Variants in EPHX2 observed in about 807,000 individuals in gnomAD.
EPHX2 encodes the protein bifunctional epoxide hydrolase 2.
EPHX2 carries 74 observed loss-of-function variants against 78.7 expected under a neutral mutation model. That is an observed-to-expected ratio of 0.94 (90% CI 0.78 to 1.14). The LOEUF is 1.14. Ranked by LOEUF, EPHX2 falls within the 50% of genes most tolerant of loss-of-function variation. The pLI is 0.00. For synonymous variants in EPHX2, 251 were observed against 255.2 expected, an observed-to-expected ratio of 0.98 and a Z score of 0.16; for missense variants, 715 against 702.5, an observed-to-expected ratio of 1.02 and a Z score of -0.20.
intron 10 of EPHX2, 150 bp downstream of exon 10, chr8:27,521,059 T>A: frequency 1.2e-6 from 1 of 824,858 alleles, no homozygotes; most frequent in Non-Finnish European, 2.0e-6. Flanking sequence ...GCAGGGAAAA[T>A]CACAAAAACA....
intron 12 of EPHX2, among the ~76,000 whole-genome samples, chr8:27,531,159 G>T (rs1053962518): frequency 5.3e-5 from 8 of 152,190 alleles, no homozygotes; most frequent in African/African-American, 1.9e-4. Context: ...GTGGTGAAAA[G>T]AACCAAATAT....
At chr8:27,512,095 C>T in intron 6 of EPHX2, 185 bp downstream of exon 6, 1 of 279,722 alleles carries the variant, frequency 3.6e-6, no homozygotes, top group East Asian at 6.3e-5. Flanking sequence ...GAAACCCTGT[C>T]TCAAGAAAAA....
chr8:27,520,911 T>C lies in EPHX2; in HGVS notation c.972+2T>C, dbSNP rs1205111557. ...ATGGTAACCTTCCTGGATAAACTGG[T>C]AAGTCATTATTTTGAACTGATATCT... is the stretch of plus-strand genomic sequence containing the variant. On this transcript the variant is annotated splice_donor_variant, in intron 10 of 18. Transcript: ENST00000521400. LOFTEE classifies it high-confidence loss of function. 1.2e-6 allele frequency: 2 copies of C among 1,614,036 alleles called. No individual in the cohort carries two copies. The highest frequency in any genetic ancestry group is 2.7e-5 in the African/African-American group (2 of 74,928).
chr8:27,525,438 C>A lies in EPHX2; in HGVS notation c.1135C>A (p.Pro379Thr). 1 of 1,614,098 alleles carries A rather than the reference C, an allele frequency of 6.2e-7. No homozygotes were observed. The highest frequency in any genetic ancestry group is 8.5e-7 in the Non-Finnish European group (1 of 1,180,006). Reference protein sequence around the residue: ...MSPLESIKANPVFDYQLYFQE... With the variant: ...MSPLESIKANTVFDYQLYFQE... The stretch of plus-strand genomic sequence containing the variant: ...CCCTTTGGAGAGTATCAAAGCCAAC[C>A]CAGTATTTGATTACCAGCTCTACTT... Residue 379 changes from proline (P) to threonine (T), a missense_variant, in exon 12 of 19, where the codon CCA becomes ACA. Transcript: ENST00000521400.
intron 8 of EPHX2, among the ~76,000 whole-genome samples, chr8:27,517,497 T>C (rs1814499400): frequency 6.6e-6 from 1 of 152,228 alleles, no homozygotes; most frequent in Admixed American, 6.5e-5. Context: ...CAAACTACAT[T>C]ATAAGTCTAT....
intron 9 of EPHX2, among the ~76,000 whole-genome samples, chr8:27,520,124 G>A (rs181939998): frequency 4.0e-5 from 6 of 150,960 alleles, no homozygotes; most frequent in South Asian, 2.1e-4. Context: ...TTACAGGTGC[G>A]GGCCATTGTG....
chr8:27,514,435 G>A (rs1814375328), intron 6 of EPHX2, among the ~76,000 whole-genome samples: 1 of 152,184 alleles, frequency 6.6e-6, no homozygotes, highest in Admixed American at 6.5e-5. Flanking sequence ...ATTTCCTTTA[G>A]GATCGTGGAG....
At chr8:27,503,290 A>G (rs1813866919) in intron 2 of EPHX2, among the ~76,000 whole-genome samples, 1 of 152,190 alleles carries the variant, frequency 6.6e-6, no homozygotes. Context: ...GTCTTTTGTT[A>G]TAGCAGCTGA....
chr8:27,530,587 T>C (rs976634341), intron 12 of EPHX2, among the ~76,000 whole-genome samples: 1 of 152,168 alleles, frequency 6.6e-6, no homozygotes, highest in African/African-American at 2.4e-5. Flanking sequence ...ATTTATCTCA[T>C]TCTTTTTAAT....
At chr8:27,525,041 C>T (rs1585209909) in intron 11 of EPHX2, among the ~76,000 whole-genome samples, 1 of 150,048 alleles carries the variant, frequency 6.7e-6, no homozygotes, top group African/African-American at 2.5e-5. Flanking sequence ...TCTCCATATT[C>T]TATCCAGGGT....
Position 27,513,134 on chromosome 8 carries a change from G to A in EPHX2, c.735+1224G>A, listed in dbSNP as rs529067703. On this transcript the variant is annotated intron_variant, in intron 6 of 18. Coordinates refer to ENST00000521400, the MANE Select transcript of EPHX2 (RefSeq NM_001979.6). ...AGGATGAGGTGCCTGCTCAGAATGG[G>A]ATCTGTGCTCAGAATGGGTTCTGCC... 7.7e-4 allele frequency among the ~76,000 whole-genome samples: 117 copies of A among 152,326 alleles called. 1 individual carries two copies. In the South Asian group the frequency reaches 7.9e-3, roughly 10 times the overall value.
At chr8:27,500,760 G>T (rs72474001) in intron 1 of EPHX2, among the ~76,000 whole-genome samples, 166 bp from the exon 2 acceptor site, 6 of 152,216 alleles carry the variant, frequency 3.9e-5, no homozygotes, top group Non-Finnish European at 5.9e-5. Context: ...CAGCTGGATG[G>T]CTCCTTGCGC....
chr8:27,493,918 C>G (rs911010485), intron 1 of EPHX2, among the ~76,000 whole-genome samples: 1 of 151,976 alleles, frequency 6.6e-6, no homozygotes, highest in Non-Finnish European at 1.5e-5. Context: ...GAGAAAAAAC[C>G]GTTTTGTATC....
At chr8:27,530,487 C>A (rs1421989060) in intron 12 of EPHX2, among the ~76,000 whole-genome samples, 3 of 152,076 alleles carry the variant, frequency 2.0e-5, no homozygotes, top group African/African-American at 7.2e-5. Flanking sequence ...TGTATGAGCA[C>A]ACACACATAT....
At chr8:27,546,950 G>C (rs1236834061), downstream of EPHX2, among the ~76,000 whole-genome samples, 1 of 152,328 alleles carries the variant, frequency 6.6e-6, no homozygotes, top group East Asian at 1.9e-4. Context: ...GGCAGACGGT[G>C]AAGGGGAAGC....
intron 5 of EPHX2, among the ~76,000 whole-genome samples, chr8:27,509,645 C>T (rs1243744798): frequency 6.6e-6 from 1 of 152,044 alleles, no homozygotes; most frequent in Non-Finnish European, 1.5e-5. Context: ...TCCCAAAGTG[C>T]GAGGTTTACA....
At position 27,544,988 on chromosome 8, in the gene EPHX2, A is replaced by C; in HGVS notation, c.*466A>C. 1 of 172,296 alleles carries C rather than the reference A, an allele frequency of 5.8e-6. No homozygotes were observed. Among genetic ancestry groups the C allele is most frequent in the Non-Finnish European group, 1.2e-5 (1 of 80,076 alleles). 10.7% of individuals were successfully genotyped at this position (172,296 alleles called of 1,614,324 possible). A position where few individuals can be genotyped will look rare whatever the true frequency, so the allele number is the denominator to read the frequency against. Reference sequence around the variant, plus strand: ...CGGAGAATGCACGGCATGGGGATGAACCCTTTCCCTCTGCTTTTGAGCCCT... The same window carrying C: ...CGGAGAATGCACGGCATGGGGATGACCCCTTTCCCTCTGCTTTTGAGCCCT... On this transcript the variant is annotated 3_prime_UTR_variant, in exon 19 of 19. Coordinates refer to ENST00000521400, the MANE Select transcript of EPHX2 (RefSeq NM_001979.6).
intron 13 of EPHX2, among the ~76,000 whole-genome samples, chr8:27,537,511 G>A (rs1006956492): frequency 1.3e-5 from 2 of 152,022 alleles, no homozygotes; most frequent in Non-Finnish European, 2.9e-5. Flanking sequence ...AGTCAGCCTC[G>A]GGTCTAACCT....
intron 12 of EPHX2, among the ~76,000 whole-genome samples, chr8:27,535,324 C>T (rs1014408131): frequency 6.6e-6 from 1 of 152,112 alleles, no homozygotes; most frequent in Non-Finnish European, 1.5e-5. Context: ...TATAGGCATG[C>T]ACCACCATGC....
Sources: gnomAD v4.1 joint callset for allele counts (sites outside exome capture counted in the v4.1 genomes callset) on GRCh38, gnomAD v4.1.1 for gene constraint, MANE v1.5 for transcripts, NCBI Gene and HGNC (gene_info 2026-07-23, HGNC 2026-07-21) for gene names.